PLEKHA4: variants seen among roughly 807,000 people sequenced by gnomAD.
PLEKHA4 encodes the protein pleckstrin homology domain-containing family A member 4.
In PLEKHA4, 73 loss-of-function variants were observed where a neutral mutation model predicts 94.7. That is an observed-to-expected ratio of 0.77 (90% confidence interval 0.64 to 0.94). PLEKHA4 has a LOEUF of 0.94. PLEKHA4 is among the 40% of genes least tolerant of loss of function. The pLI is 0.00. For missense variants in PLEKHA4, 1,049 were observed against 1,054.1 expected, an observed-to-expected ratio of 1.00 and a Z score of 0.07; for synonymous variants, 449 against 437.1, an observed-to-expected ratio of 1.03 and a Z score of -0.34.
intron 6 of PLEKHA4, 57 bp downstream of exon 6, chr19:48,860,293 G>C: frequency 6.9e-7 from 1 of 1,456,732 alleles, no homozygotes; most frequent in Non-Finnish European, 9.6e-7. Flanking sequence ...GAGGAGTTGG[G>C]ATGACGAGAC....
At chr19:48,841,856 G>T (rs60959570) in intron 16 of PLEKHA4, among the ~76,000 whole-genome samples, 10,872 of 152,180 alleles carry the variant, frequency 0.071, 1,031 homozygotes, top group African/African-American at 0.22. Context: ...TGAGGCAGGG[G>T]GATCACTTAA....
intron 8 of PLEKHA4, among the ~76,000 whole-genome samples, chr19:48,857,817 CT>C (rs1487092567): frequency 4.0e-5 from 6 of 150,908 alleles, no homozygotes. Flanking sequence ...AACCAGAGAC[CT>C]TTGTTCACTT....
intron 7 of PLEKHA4, 86 bp from the exon 8 acceptor site, chr19:48,859,225 T>A (rs2036545406): frequency 9.1e-7 from 1 of 1,101,654 alleles, no homozygotes; most frequent in Non-Finnish European, 1.3e-6. Flanking sequence ...CTCAAGGACA[T>A]GTCTCACTTC....
intron 9 of PLEKHA4, among the ~76,000 whole-genome samples, 171 bp downstream of exon 9, chr19:48,857,251 T>G (rs2036457212): frequency 6.6e-6 from 1 of 152,182 alleles, no homozygotes; most frequent in African/African-American, 2.4e-5. Context: ...CCATTTCTGT[T>G]GTTTTCGGCC....
At chr19:48,843,469 G>C (rs558825944) in intron 16 of PLEKHA4, among the ~76,000 whole-genome samples, 1 of 151,342 alleles carries the variant, frequency 6.6e-6, no homozygotes, top group African/African-American at 2.4e-5. Context: ...GTTAGCCACC[G>C]CACGCGGTCT....
At position 48,837,323 on chromosome 19, in the gene PLEKHA4, G is replaced by A. The variant is rs1460288753; in HGVS notation, c.2306C>T (p.Pro769Leu). 2 of 1,613,958 alleles carry A rather than the reference G, an allele frequency of 1.2e-6. No individual in the cohort carries two copies. Among genetic ancestry groups the A allele is most frequent in the Non-Finnish European group, 1.7e-6 (2 of 1,180,014 alleles). ...PVLPQDEGAW[P>L]LRVTLLQSSF ...GGATTGTAGCAGAGTGACTCGCAGA[G>A]GCCATGCCCCCTCGTCTTGTGGCAG... Residue 769 changes from proline (P) to leucine (L), a missense_variant, in exon 20 of 20, where the codon CCT becomes CTT. Transcript: ENST00000263265. The surrounding 1 kb of genome is among the most constrained non-coding windows in gnomAD (Gnocchi z 4.3).
At position 48,865,903 on chromosome 19, in the gene PLEKHA4, A is replaced by G. The variant is rs577013312; in HGVS notation, c.85-293T>C. Among the ~76,000 whole-genome samples the G allele has an allele frequency of 2.6e-5, 4 of 151,548 alleles. No individual in the cohort carries two copies. The South Asian group carries it at 8.4e-4, about 32-fold the overall frequency. ...GTGGCGGGCGCCTGTAGTCCCAGCT[A>G]CTCGGGAGGCTGAGGCAGGAGAATG... is the stretch of plus-strand genomic sequence containing the variant. On this transcript the variant is annotated intron_variant, in intron 2 of 19. Coordinates refer to ENST00000263265, the MANE Select transcript of PLEKHA4 (RefSeq NM_020904.3).
Position 48,853,993 on chromosome 19 carries a change from C to G in PLEKHA4, c.1176+14G>C, listed in dbSNP as rs1223217664. 1.2e-6 allele frequency: 2 copies of G among 1,613,866 alleles called. No individual in the cohort carries two copies. The highest frequency in any genetic ancestry group is 8.5e-7 in the Non-Finnish European group (1 of 1,179,812). ...AGAGGCCAGGCGCCCTGTCCTTGGC[C>G]CAGGGCCCCGCACCTTCTCCTCCTG... On this transcript the variant is annotated intron_variant, in intron 11 of 19. Transcript: ENST00000263265.
Position 48,867,839 on chromosome 19 carries a change from C to A in PLEKHA4, c.-6-213G>T, listed in dbSNP as rs990078802. 1.3e-5 allele frequency among the ~76,000 whole-genome samples: 2 copies of A among 152,122 alleles called. No individual in the cohort carries two copies. Among genetic ancestry groups the A allele is most frequent in the African/African-American group, 2.4e-5 (1 of 41,404 alleles). Reference sequence around the variant, plus strand: ...GGCAGCTGCGGGAGGGGGCAGCTGTCTGCAGCCCAGGCCAGAGAATAGGGG... The same window carrying A: ...GGCAGCTGCGGGAGGGGGCAGCTGTATGCAGCCCAGGCCAGAGAATAGGGG... On this transcript the variant is annotated intron_variant, in intron 1 of 19. Coordinates refer to ENST00000263265, the MANE Select transcript of PLEKHA4 (RefSeq NM_020904.3). The surrounding 1 kb of genome is among the most constrained non-coding windows in gnomAD (Gnocchi z 4.7).
intron 5 of PLEKHA4, among the ~76,000 whole-genome samples, chr19:48,860,926 G>C (rs529912110): frequency 6.6e-6 from 1 of 152,154 alleles, no homozygotes; most frequent in Admixed American, 6.5e-5. Context: ...GAAAGGACTG[G>C]ACAGACGCGG....
rs2122846662 is a variant in PLEKHA4, at chr19:48,837,633, A to C, written c.2078-82T>G. On this transcript the variant is annotated intron_variant, in intron 19 of 19. Transcript: ENST00000263265. This position sits in a 1 kb window ranked among gnomAD's most constrained non-coding sequence, Gnocchi z 4.3. ...TCCCAGCCCCTCCTCCCTCAGACCC[A>C]GGACTCCGGATTCCCAGCCCCTCCT... 4 of 1,517,090 alleles carry C rather than the reference A, an allele frequency of 2.6e-6. No individual in the cohort carries two copies. The highest frequency in any genetic ancestry group is 3.6e-6 in the Non-Finnish European group (4 of 1,112,540). 94.0% of individuals were successfully genotyped at this position (1,517,090 alleles called of 1,614,324 possible).
Position 48,853,715 on chromosome 19 carries a change from G to C in PLEKHA4, c.1293C>G (p.Val431=). The change falls in exon 12 of 20, where the codon GTC becomes GTG. Residue 431 remains valine, a synonymous_variant. Transcript: ENST00000263265. The stretch of plus-strand genomic sequence containing the variant: ...AGTGACAGAGGGTGGCCCTCACACT[G>C]ACCAGCCGGTCCTGCAAGAGGCGCT... ...GRQRLLQDRL[V]SVRATLCHLT... 9 of 1,603,060 alleles carry C rather than the reference G, an allele frequency of 5.6e-6. No individual in the cohort carries two copies. The highest frequency in any genetic ancestry group is 7.7e-6 in the Non-Finnish European group (9 of 1,176,212).
chr19:48,844,211 A>G (rs546256900), intron 16 of PLEKHA4, among the ~76,000 whole-genome samples: 281 of 150,502 alleles, frequency 1.9e-3, no homozygotes, highest in African/African-American at 6.5e-3. Context: ...CTGGAGTGCA[A>G]CGGTGCAATC....
intron 18 of PLEKHA4, 22 bp downstream of exon 18, chr19:48,839,183 G>T: frequency 6.5e-7 from 1 of 1,541,582 alleles, no homozygotes. Context: ...CTGCTCCCTT[G>T]ATACGCCCTC....
intron 9 of PLEKHA4, among the ~76,000 whole-genome samples, chr19:48,855,377 G>C (rs1599903295): frequency 6.6e-6 from 1 of 152,106 alleles, no homozygotes; most frequent in Non-Finnish European, 1.5e-5. Context: ...GCCGAGGCGG[G>C]TGGATCACCT....
intron 9 of PLEKHA4, among the ~76,000 whole-genome samples, chr19:48,856,642 A>G (rs2036421481): frequency 6.6e-6 from 1 of 151,626 alleles, no homozygotes; most frequent in Non-Finnish European, 1.5e-5. Context: ...TGCTTGAACC[A>G]GGGAGGCGAA....
rs1234128455 is a variant in PLEKHA4, at chr19:48,841,167, C to G, written c.1887G>C (p.Gln629His). 5 of 1,610,772 alleles carry G rather than the reference C, an allele frequency of 3.1e-6. No individual in the cohort carries two copies. The African/African-American group carries it at 6.7e-5, about 22-fold the overall frequency. The change falls in exon 17 of 20, where the codon CAG becomes CAC. Residue 629 changes from glutamine to histidine, a missense_variant. By Grantham distance (24) the Gln-to-His change is conservative. Transcript: ENST00000263265. ...LGRTLSPARRQPDVEQRPVVG... is the reference protein window; with the variant it reads ...LGRTLSPARRHPDVEQRPVVG... ...CCCTCACCCTTTGCTCCACGTCAGG[C>G]TGGCGTCTGGCTGGGGACAGTGTCC...
In PLEKHA4 at chr19:48,852,281, G is replaced by A. The variant is rs748021036; in HGVS notation, c.1372C>T (p.Leu458=). The A allele has an allele frequency of 6.2e-7, 1 of 1,614,074 alleles. No individual in the cohort carries two copies. The change falls in exon 13 of 20, where the codon CTG becomes TTG. Residue 458 remains leucine (L), a synonymous_variant. Coordinates refer to ENST00000263265, the MANE Select transcript of PLEKHA4 (RefSeq NM_020904.3). ...TCCAGCGTCTCTCTTAAGGTGCCCAGCTCCTGCTCCAGGCCACTGTACGTG... is the reference window on the plus strand; with the variant it reads ...TCCAGCGTCTCTCTTAAGGTGCCCAACTCCTGCTCCAGGCCACTGTACGTG... ...WDTYSGLEQE[L]GTLRETLEYL...
intron 6 of PLEKHA4, 148 bp from the exon 7 acceptor site, chr19:48,859,832 G>A: frequency 1.3e-6 from 1 of 770,574 alleles, no homozygotes; most frequent in South Asian, 1.6e-5. Context: ...AGGGGAAACT[G>A]AGGCCTCCAA....
Sources: gnomAD v4.1 joint callset for allele counts (sites outside exome capture counted in the v4.1 genomes callset) on GRCh38, gnomAD v4.1.1 for gene constraint, Gnocchi (gnomAD v3.1) non-coding constraint, MANE v1.5 for transcripts, NCBI Gene and HGNC (gene_info 2026-07-23, HGNC 2026-07-21) for gene names.